The following SOX5 variants were observed in gnomAD, a reference collection of about 807,000 sequenced individuals.
SOX5 encodes the protein transcription factor SOX-5.
A neutral mutation model predicts 92.0 loss-of-function variants in SOX5; 9 were observed. The observed-to-expected ratio is 0.10, with a 90% confidence interval of 0.06 to 0.17. The LOEUF is 0.17. Among genes scored for constraint, SOX5 ranks in the 10% least tolerant of loss-of-function variants. The pLI is 1.00. For missense variants in SOX5, 642 were observed against 944.5 expected, an observed-to-expected ratio of 0.68 and a Z score of 4.20; for synonymous variants, 344 against 336.3, an observed-to-expected ratio of 1.02 and a Z score of -0.25.
intron 4 of SOX5, among the ~76,000 whole-genome samples, chr12:24,000,525 C>T (rs560068222): frequency 1.3e-5 from 2 of 152,168 alleles, no homozygotes; most frequent in Admixed American, 6.5e-5. Context: ...GTAATCTCTA[C>T]AACACCACTA....
chr12:23,780,430 G>GT (rs2095252421), intron 3 of SOX5, among the ~76,000 whole-genome samples: 2 of 150,990 alleles, frequency 1.3e-5, no homozygotes, highest in Admixed American at 6.6e-5. Context: ...GTAGTGAGAG[G>GT]TTTTTTGTTT....
At chr12:24,132,467 G>C (rs1339629430) in intron 4 of SOX5, among the ~76,000 whole-genome samples, 2 of 152,104 alleles carry the variant, frequency 1.3e-5, no homozygotes, top group Non-Finnish European at 2.9e-5. Context: ...TGTGCTATTA[G>C]TTATTACAGG....
intron 1 of SOX5, among the ~76,000 whole-genome samples, chr12:23,941,734 A>G (rs1943686175): frequency 6.6e-6 from 1 of 151,672 alleles, no homozygotes; most frequent in Non-Finnish European, 1.5e-5. Flanking sequence ...TGAATTAGTG[A>G]ATGCATACTA....
At chr12:24,500,814 A>G (rs1948120903) in intron 1 of SOX5, among the ~76,000 whole-genome samples, 1 of 152,168 alleles carries the variant, frequency 6.6e-6, no homozygotes, top group Admixed American at 6.5e-5. Context: ...CACACTTTCC[A>G]CTTCAAATTC....
chr12:24,214,837 T>C (rs1205523914), intron 3 of SOX5, among the ~76,000 whole-genome samples: 2 of 152,088 alleles, frequency 1.3e-5, no homozygotes, highest in African/African-American at 2.4e-5. Flanking sequence ...TCTTTTTCAT[T>C]TTAAAAAGCC....
intron 9 of SOX5, among the ~76,000 whole-genome samples, chr12:23,577,176 C>CACACATATATATAT (rs1273547543): frequency 2.6e-5 from 2 of 76,968 alleles, no homozygotes; most frequent in African/African-American, 9.5e-5. Flanking sequence ...CACACACACA[C>CACACATATATATAT]ATATATATAT....
chr12:24,397,656 A>C (rs920400955), intron 1 of SOX5, among the ~76,000 whole-genome samples: 2 of 151,950 alleles, frequency 1.3e-5, no homozygotes, highest in African/African-American at 4.8e-5. Context: ...GAAAATGAGT[A>C]TTCATTTGCT....
In SOX5 at chr12:24,414,189, T is replaced by C. The variant is rs190953492; in HGVS notation, c.-250-45550A>G. On this transcript the variant is annotated intron_variant, in intron 1 of 4. Transcript: ENST00000446891. ...CTTATTTTTACTCATCTCTTTTCTC[T>C]GAAATGTATCCCAGTATTATTATTA... Among the ~76,000 whole-genome samples, 6 of 152,358 alleles carry C rather than the reference T, an allele frequency of 3.9e-5. No homozygotes were observed. The East Asian group carries it at 1.2e-3, about 29-fold the overall frequency.
chr12:24,410,667 TAA>T (rs1255705902), intron 1 of SOX5, among the ~76,000 whole-genome samples: 2 of 152,248 alleles, frequency 1.3e-5, no homozygotes, highest in East Asian at 3.8e-4. Flanking sequence ...TCCATTGATA[TAA>T]GTGTCTATTC....
chr12:24,015,267 G>A (rs1400979352), intron 4 of SOX5, among the ~76,000 whole-genome samples: 1 of 151,964 alleles, frequency 6.6e-6, no homozygotes, highest in African/African-American at 2.4e-5. Context: ...TGCGGTAATC[G>A]GTGGGCTCTT....
chr12:24,311,647 A>G (rs989507667), intron 2 of SOX5, among the ~76,000 whole-genome samples: 2 of 152,226 alleles, frequency 1.3e-5, no homozygotes, highest in Non-Finnish European at 2.9e-5. Flanking sequence ...GATGGGAATT[A>G]TCTTCAGGTC....
intron 2 of SOX5, among the ~76,000 whole-genome samples, chr12:24,278,691 C>T (rs575675160): frequency 6.6e-6 from 1 of 152,056 alleles, no homozygotes; most frequent in East Asian, 1.9e-4. Context: ...AGCCTGGGCA[C>T]CAAAATGAGA....
At chr12:24,355,947 A>AT (rs551634074) in intron 2 of SOX5, among the ~76,000 whole-genome samples, 258 of 152,284 alleles carry the variant, frequency 1.7e-3, no homozygotes, top group African/African-American at 5.8e-3. Flanking sequence ...CACTTTGAGC[A>AT]TTTTTTTAAA....
chr12:23,954,741 A>G (rs1946076989), upstream of SOX5, among the ~76,000 whole-genome samples: 1 of 151,996 alleles, frequency 6.6e-6, no homozygotes, highest in Non-Finnish European at 1.5e-5. Context: ...TACTCTTTCT[A>G]TTGTCAGTTG....
chr12:24,200,954 C>G (rs1289222270), intron 4 of SOX5, among the ~76,000 whole-genome samples: 2 of 152,180 alleles, frequency 1.3e-5, no homozygotes, highest in East Asian at 3.9e-4. Context: ...TCCTTTGGAT[C>G]TGACGTCCTC....
At chr12:24,548,049 C>T (rs1280382615) in intron 1 of SOX5, among the ~76,000 whole-genome samples, 1 of 151,942 alleles carries the variant, frequency 6.6e-6, no homozygotes, top group African/African-American at 2.4e-5. Context: ...TTTTTAAGTA[C>T]CTTGCATTCA....
At chr12:24,032,770 A>C (rs1401337973) in intron 4 of SOX5, among the ~76,000 whole-genome samples, 1 of 151,926 alleles carries the variant, frequency 6.6e-6, no homozygotes, top group Non-Finnish European at 1.5e-5. Flanking sequence ...TAAGGAAATT[A>C]AATGTAGGGG....
chr12:24,271,387 G>A (rs565013993), intron 3 of SOX5, among the ~76,000 whole-genome samples: 4 of 152,184 alleles, frequency 2.6e-5, no homozygotes, highest in South Asian at 2.1e-4. Context: ...CTTTAACAAC[G>A]ACTTGTAGTT....
chr12:23,645,055 G>A (rs1276182966), intron 7 of SOX5, among the ~76,000 whole-genome samples: 2 of 152,152 alleles, frequency 1.3e-5, no homozygotes, highest in Non-Finnish European at 2.9e-5. Context: ...TCTGCTAGCT[G>A]CTCTGTGAGA....
Sources: allele counts gnomAD v4.1 joint callset (sites outside exome capture counted in the v4.1 genomes callset), GRCh38; gene constraint gnomAD v4.1.1; transcripts MANE v1.5; gene names NCBI Gene and HGNC (gene_info 2026-07-23, HGNC 2026-07-21).